The following MEGF10 variants were observed in gnomAD, a reference collection of about 807,000 sequenced individuals.
The protein encoded by MEGF10 is multiple epidermal growth factor-like domains protein 10.
A neutral mutation model predicts 147.5 loss-of-function variants in MEGF10; 86 were observed. That is an observed-to-expected ratio of 0.58 (90% confidence interval 0.49 to 0.70). MEGF10 has a LOEUF of 0.70. Ranked by LOEUF, MEGF10 falls within the 30% of genes least tolerant of loss-of-function variation. The probability of loss-of-function intolerance (pLI) is 0.00; values close to 1 mark genes in which losing one functional copy is unlikely to be tolerated. For missense variants in MEGF10, 1,329 were observed against 1,487.3 expected (o/e 0.89, Z 1.75); for synonymous variants, 478 against 525.5 (o/e 0.91, Z 1.24).
intron 5 of MEGF10, among the ~76,000 whole-genome samples, chr5:127,395,835 T>G (rs1763890222): frequency 6.6e-6 from 1 of 152,116 alleles, no homozygotes; most frequent in Admixed American, 6.5e-5. Context: ...TGAGCCACCG[T>G]TGACTGATAT....
chr5:127,315,270 C>T (rs1256295812), intron 1 of MEGF10, among the ~76,000 whole-genome samples: 1 of 152,032 alleles, frequency 6.6e-6, no homozygotes. Context: ...TATTAATGTT[C>T]CAGTTTATTT....
chr5:127,311,899 A>T (rs1760301643), intron 1 of MEGF10, among the ~76,000 whole-genome samples: 1 of 152,200 alleles, frequency 6.6e-6, no homozygotes, highest in Non-Finnish European at 1.5e-5. Context: ...TTTTATTCAC[A>T]GGGCCTCAAT....
chr5:127,294,001 C>T (rs540070401), intron 1 of MEGF10, among the ~76,000 whole-genome samples: 53 of 152,058 alleles, frequency 3.5e-4, no homozygotes, highest in African/African-American at 1.2e-3. Context: ...CAAGAATACG[C>T]TGTGCACTTT....
At chr5:127,399,269 G>A (rs181419215) in intron 7 of MEGF10, among the ~76,000 whole-genome samples, 7 of 152,166 alleles carry the variant, frequency 4.6e-5, no homozygotes, top group African/African-American at 1.7e-4. Context: ...ACCAAGTATT[G>A]CAGGACTTCT....
At chr5:127,410,262 T>C in intron 8 of MEGF10, 127 bp from the exon 9 acceptor site, 2 of 791,070 alleles carry the variant, frequency 2.5e-6, no homozygotes, top group Non-Finnish European at 4.2e-6. Context: ...AATGGGACAA[T>C]CACTAAATAA....
chr5:127,367,491 A>C (rs557741742), intron 4 of MEGF10, among the ~76,000 whole-genome samples: 1 of 152,298 alleles, frequency 6.6e-6, no homozygotes, highest in South Asian at 2.1e-4. Context: ...TTACCATATA[A>C]ATGAACATTT....
chr5:127,412,996 A>G (rs914026121), intron 9 of MEGF10, among the ~76,000 whole-genome samples: 7 of 152,070 alleles, frequency 4.6e-5, no homozygotes, highest in Admixed American at 4.6e-4. Context: ...GACCCCCAAC[A>G]TACACTTTTT....
intron 2 of MEGF10, among the ~76,000 whole-genome samples, chr5:127,335,823 T>C (rs2126792031): frequency 6.6e-6 from 1 of 152,092 alleles, no homozygotes; most frequent in South Asian, 2.1e-4. Context: ...ATGTGAGAGC[T>C]ATGGAGTTCT....
intron 1 of MEGF10, among the ~76,000 whole-genome samples, chr5:127,305,262 A>G (rs534534197): frequency 6.6e-6 from 1 of 152,320 alleles, no homozygotes; most frequent in African/African-American, 2.4e-5. Flanking sequence ...GTCGGAGAAT[A>G]TGAGGTAAGG....
chr5:127,413,433 A>G (rs1764645955), intron 9 of MEGF10, among the ~76,000 whole-genome samples: 1 of 152,196 alleles, frequency 6.6e-6, no homozygotes, highest in Admixed American at 6.5e-5. Flanking sequence ...ATTATATTTG[A>G]TCATTAATAA....
chr5:127,295,753 G>A (rs1053107077), intron 1 of MEGF10, among the ~76,000 whole-genome samples: 1 of 152,294 alleles, frequency 6.6e-6, no homozygotes, highest in South Asian at 2.1e-4. Flanking sequence ...GACTTCAAAC[G>A]AAGCAATATT....
chr5:127,377,032 T>C (rs1763057982), intron 5 of MEGF10, among the ~76,000 whole-genome samples: 1 of 152,178 alleles, frequency 6.6e-6, no homozygotes, highest in East Asian at 1.9e-4. Flanking sequence ...TGAGAGACGT[T>C]GAGGGCCCAT....
chr5:127,404,021 G>A (rs1580823396), intron 8 of MEGF10, among the ~76,000 whole-genome samples: 1 of 152,114 alleles, frequency 6.6e-6, no homozygotes, highest in Admixed American at 6.5e-5. Flanking sequence ...CCTCCAAACT[G>A]TTCTCCATAG....
chr5:127,397,743 A>G (rs1249858707), intron 6 of MEGF10, among the ~76,000 whole-genome samples: 2 of 152,168 alleles, frequency 1.3e-5, no homozygotes, highest in Non-Finnish European at 2.9e-5. Flanking sequence ...TCAAGACCAC[A>G]ATTGAACTGG....
Position 127,455,484 on chromosome 5 carries a change from C to A in MEGF10, c.3109C>A (p.Pro1037Thr), listed in dbSNP as rs759911660. The A allele has an allele frequency of 6.2e-7, 1 of 1,614,086 alleles. No homozygotes were observed. Among genetic ancestry groups the A allele is most frequent in the Non-Finnish European group, 8.5e-7 (1 of 1,180,000 alleles). Residue 1037 changes from proline to threonine, a missense_variant, in exon 24 of 25, where the codon CCT becomes ACT. By Grantham distance (38) the Pro-to-Thr change is conservative. Transcript: ENST00000503335. Reference protein sequence around the residue: ...ENPYATIKDPPVLIPKSSECG... With the variant: ...ENPYATIKDPTVLIPKSSECG... ...CCCATATGCCACTATTAAAGACCCA[C>A]CTGTACTTATCCCGAAAAGCTCAGA... is the stretch of plus-strand genomic sequence containing the variant.
chr5:127,293,249 C>T (rs1336683225), intron 1 of MEGF10, among the ~76,000 whole-genome samples: 3 of 152,196 alleles, frequency 2.0e-5, no homozygotes, highest in African/African-American at 7.2e-5. Context: ...ACATAAATTA[C>T]GTTACTTCCA....
chr5:127,272,463 A>G, the MEGF10 span, among the ~76,000 whole-genome samples: 1 of 152,176 alleles, frequency 6.6e-6, no homozygotes, highest in Non-Finnish European at 1.5e-5. Context: ...AATTCTGTGA[A>G]GAATGTCAAT....
chr5:127,439,411 C>A (rs1163523582), intron 17 of MEGF10, among the ~76,000 whole-genome samples: 1 of 112,302 alleles, frequency 8.9e-6, no homozygotes, highest in African/African-American at 2.6e-5. Flanking sequence ...TGAAATTGAG[C>A]AATTCTTATT....
At chr5:127,449,275 A>G in intron 22 of MEGF10, 53 bp downstream of exon 22, 1 of 1,600,906 alleles carries the variant, frequency 6.2e-7, no homozygotes, top group South Asian at 1.1e-5. Context: ...TCAGTCCCTG[A>G]AACAGTCACG....
Sources: allele counts gnomAD v4.1 joint callset (sites outside exome capture counted in the v4.1 genomes callset), GRCh38; gene constraint gnomAD v4.1.1; transcripts MANE v1.5; gene names NCBI Gene and HGNC (gene_info 2026-07-23, HGNC 2026-07-21).